CCDC178: variants seen among roughly 807,000 people sequenced by gnomAD.
CCDC178 encodes coiled-coil domain containing 178, also known as coiled-coil domain-containing protein 178.
Under a neutral mutation model 117.4 loss-of-function variants are expected in CCDC178, and 126 were observed. That is an observed-to-expected ratio of 1.07 (90% confidence interval 0.93 to 1.24). CCDC178 has a LOEUF of 1.24. Among genes scored for constraint, CCDC178 ranks in the 50% most tolerant of loss-of-function variants. CCDC178 has a pLI of 0.00. For missense variants in CCDC178, 1,030 were observed against 986.9 expected, an observed-to-expected ratio of 1.04 and a Z score of -0.59; for synonymous variants, 283 against 313.4, an observed-to-expected ratio of 0.90 and a Z score of 1.02.
chr18:33,237,110 C>T (rs960530160), intron 15 of CCDC178, among the ~76,000 whole-genome samples: 1 of 152,186 alleles, frequency 6.6e-6, no homozygotes, highest in Non-Finnish European at 1.5e-5. Flanking sequence ...ACCAGAGCCA[C>T]CTCTAGAGTG....
intron 21 of CCDC178, among the ~76,000 whole-genome samples, chr18:33,039,995 A>C (rs1447227404): frequency 6.6e-6 from 1 of 152,006 alleles, no homozygotes. Context: ...GGATTTATAA[A>C]AAATTACCAT....
chr18:33,162,665 T>C (rs1374343422), intron 20 of CCDC178, among the ~76,000 whole-genome samples: 1 of 152,190 alleles, frequency 6.6e-6, no homozygotes, highest in Non-Finnish European at 1.5e-5. Context: ...CTCCCATTTA[T>C]AAGTGAGAAC....
chr18:33,288,576 A>T (rs1214189411), intron 12 of CCDC178, among the ~76,000 whole-genome samples: 2 of 151,744 alleles, frequency 1.3e-5, no homozygotes, highest in African/African-American at 4.8e-5. Context: ...AGACAAAGAA[A>T]GAGTCACAAT....
intron 6 of CCDC178, among the ~76,000 whole-genome samples, chr18:33,366,941 G>A (rs568763383): frequency 6.6e-6 from 1 of 152,122 alleles, no homozygotes; most frequent in East Asian, 1.9e-4. Flanking sequence ...ACAGTCAGTT[G>A]ACAACTTTAC....
chr18:33,127,308 A>T (rs1196383748), intron 20 of CCDC178, among the ~76,000 whole-genome samples: 3 of 152,186 alleles, frequency 2.0e-5, no homozygotes, highest in Admixed American at 6.5e-5. Flanking sequence ...AAGCATATCT[A>T]AGGATTCTGG....
At chr18:33,228,794 T>C (rs1017669126) in intron 15 of CCDC178, among the ~76,000 whole-genome samples, 5 of 152,180 alleles carry the variant, frequency 3.3e-5, no homozygotes, top group East Asian at 1.9e-4. Context: ...AGGGAGTGTT[T>C]CCAGGCAGAT....
intron 2 of CCDC178, among the ~76,000 whole-genome samples, chr18:33,424,961 G>A (rs375243589): frequency 2.6e-5 from 4 of 152,102 alleles, no homozygotes; most frequent in Admixed American, 1.3e-4. Context: ...TGGTGTAGTC[G>A]TGGACCTAAC....
At position 33,057,385 on chromosome 18, in the gene CCDC178, T is replaced by A. The variant is rs562037755; in HGVS notation, c.2388+35376A>T. Among the ~76,000 whole-genome samples the A allele has an allele frequency of 1.1e-4, 16 of 152,358 alleles. No homozygotes were observed. The South Asian group carries it at 3.1e-3, about 30-fold the overall frequency. On this transcript the variant is annotated intron_variant, in intron 21 of 22. Coordinates refer to ENST00000383096, the MANE Select transcript of CCDC178 (RefSeq NM_001105528.4). ...AGAACAATAATGACATATAAGGCAC[T>A]GTTGGGTTGTGAAGTCTAGAAAGAT...
intron 20 of CCDC178, among the ~76,000 whole-genome samples, chr18:33,190,117 C>T (rs1422494546): frequency 6.6e-6 from 1 of 152,154 alleles, no homozygotes; most frequent in Non-Finnish European, 1.5e-5. Flanking sequence ...TCTCCATGAG[C>T]CCCCGCTTCA....
At chr18:32,944,021 C>T (rs1161076597) in intron 22 of CCDC178, among the ~76,000 whole-genome samples, 1 of 152,104 alleles carries the variant, frequency 6.6e-6, no homozygotes, top group Non-Finnish European at 1.5e-5. Flanking sequence ...GCATTGTTCC[C>T]GGCACAGTGG....
intron 20 of CCDC178, among the ~76,000 whole-genome samples, chr18:33,136,675 C>T (rs1007941052): frequency 6.6e-6 from 1 of 152,096 alleles, no homozygotes; most frequent in Non-Finnish European, 1.5e-5. Flanking sequence ...ACTCAATTTA[C>T]AAATTTCAAG....
At chr18:33,109,258 C>T (rs2057748558) in intron 20 of CCDC178, among the ~76,000 whole-genome samples, 1 of 151,650 alleles carries the variant, frequency 6.6e-6, no homozygotes, top group Non-Finnish European at 1.5e-5. Context: ...CAGCTAATCA[C>T]AACCTTATAT....
intron 21 of CCDC178, among the ~76,000 whole-genome samples, chr18:33,000,892 A>G (rs965437281): frequency 5.3e-5 from 8 of 152,332 alleles, no homozygotes; most frequent in African/African-American, 1.7e-4. Context: ...AAAGTTACTG[A>G]TAATAGTAAG....
intron 22 of CCDC178, among the ~76,000 whole-genome samples, chr18:32,946,489 T>C (rs2054351566): frequency 6.6e-6 from 1 of 152,146 alleles, no homozygotes; most frequent in Non-Finnish European, 1.5e-5. Flanking sequence ...GAGAACACAA[T>C]GAATGATCAC....
intron 21 of CCDC178, among the ~76,000 whole-genome samples, chr18:33,067,886 A>G (rs1196244458): frequency 6.6e-6 from 1 of 151,998 alleles, no homozygotes; most frequent in Non-Finnish European, 1.5e-5. Flanking sequence ...AATTAACAAA[A>G]TTAAAAAGCC....
At chr18:33,332,878 G>A (rs560297878) in intron 10 of CCDC178, among the ~76,000 whole-genome samples, 7 of 152,130 alleles carry the variant, frequency 4.6e-5, no homozygotes, top group South Asian at 2.1e-4. Context: ...CTTACCACCC[G>A]AAGTGCTGGT....
intron 17 of CCDC178, among the ~76,000 whole-genome samples, chr18:33,223,933 T>C (rs2059270509): frequency 6.6e-6 from 1 of 152,182 alleles, no homozygotes; most frequent in South Asian, 2.1e-4. Flanking sequence ...CATGACCTTA[T>C]ACACGTTGCT....
chr18:32,980,566 G>C (rs1210680159), intron 21 of CCDC178, among the ~76,000 whole-genome samples: 1 of 46,360 alleles, frequency 2.2e-5, no homozygotes, highest in Non-Finnish European at 3.7e-5. Flanking sequence ...ACGAGACTCC[G>C]TCTCAAAAAA....
At chr18:32,984,895 C>A (rs1466093578) in intron 21 of CCDC178, among the ~76,000 whole-genome samples, 2 of 151,790 alleles carry the variant, frequency 1.3e-5, no homozygotes, top group East Asian at 3.9e-4. Context: ...TAATTAAGTA[C>A]CTTGATTTTA....
Sources: gnomAD v4.1 joint callset for allele counts (sites outside exome capture counted in the v4.1 genomes callset) on GRCh38, gnomAD v4.1.1 for gene constraint, MANE v1.5 for transcripts, NCBI Gene and HGNC (gene_info 2026-07-23, HGNC 2026-07-21) for gene names.